SRGAP3: variants seen among roughly 807,000 people sequenced by gnomAD.
SRGAP3 encodes SLIT-ROBO Rho GTPase-activating protein 3.
SRGAP3 carries 39 observed loss-of-function variants against 121.1 expected under a neutral mutation model. That is an observed-to-expected ratio of 0.32 (90% CI 0.25 to 0.42). SRGAP3 has a LOEUF of 0.42. Ranked by LOEUF, SRGAP3 falls within the 10% of genes least tolerant of loss-of-function variation. SRGAP3 has a pLI of 1.00. For synonymous variants in SRGAP3, 601 were observed against 570.0 expected (o/e 1.05, Z -0.77); for missense variants, 1,213 against 1,470.6 (o/e 0.82, Z 2.86).
intron 5 of SRGAP3, among the ~76,000 whole-genome samples, 164 bp from the exon 6 acceptor site, chr3:9,060,523 T>C (rs1001267686): frequency 2.7e-5 from 4 of 148,516 alleles, no homozygotes; most frequent in African/African-American, 1.0e-4. Flanking sequence ...ACTCCTGGAC[T>C]CAAGCAATCC....
At chr3:9,148,498 G>C (rs1458347247) in intron 1 of SRGAP3, among the ~76,000 whole-genome samples, 2 of 152,220 alleles carry the variant, frequency 1.3e-5, no homozygotes, top group Non-Finnish European at 2.9e-5. Flanking sequence ...GGTGAAGCCA[G>C]ACTTGTCAAA....
At chr3:9,233,194 A>G (rs546556342) in intron 1 of SRGAP3, among the ~76,000 whole-genome samples, 1 of 152,346 alleles carries the variant, frequency 6.6e-6, no homozygotes, top group African/African-American at 2.4e-5. Context: ...AGGTGTTATT[A>G]TGTCCCTCTT....
chr3:9,198,083 C>T (rs1951964828), intron 1 of SRGAP3, among the ~76,000 whole-genome samples: 1 of 152,194 alleles, frequency 6.6e-6, no homozygotes, highest in Non-Finnish European at 1.5e-5. Context: ...TCATACAGGG[C>T]ACAGGCCTTT....
chr3:9,220,047 G>A (rs1031886938), intron 1 of SRGAP3, among the ~76,000 whole-genome samples: 1 of 152,084 alleles, frequency 6.6e-6, no homozygotes, highest in Non-Finnish European at 1.5e-5. Flanking sequence ...GGTGGGGCGG[G>A]GAGGAAGAGA....
At chr3:8,995,829 A>T (rs1942366589) in intron 18 of SRGAP3, among the ~76,000 whole-genome samples, 1 of 152,246 alleles carries the variant, frequency 6.6e-6, no homozygotes, top group African/African-American at 2.4e-5. Context: ...AAGTAAGCAC[A>T]AAGAGGTTTA....
chr3:9,349,132 T>C lies in SRGAP3; in HGVS notation n.214+13708A>G, dbSNP rs997740345. ...TGAAACCCATACAGTTCCTGGGGGATGAAGAGACCATGCGTAAAGCCATGG... is the reference window on the plus strand; with the variant it reads ...TGAAACCCATACAGTTCCTGGGGGACGAAGAGACCATGCGTAAAGCCATGG... On this transcript the variant is annotated intron_variant and non_coding_transcript_variant, in intron 1 of 3. Transcript: ENST00000490889. 1.6e-5 allele frequency: 13 copies of C among 798,826 alleles called. No homozygotes were observed. In the African/African-American group the frequency reaches 1.9e-4, roughly 11 times the overall value. The allele number at this position is 798,826 out of a possible 1,614,324, so 49.5% of individuals were successfully genotyped here. A position where few individuals can be genotyped will look rare whatever the true frequency, so the allele number is the denominator to read the frequency against.
chr3:9,268,334 C>T (rs1954407297), intron 3 of SRGAP3, among the ~76,000 whole-genome samples: 1 of 152,008 alleles, frequency 6.6e-6, no homozygotes, highest in Non-Finnish European at 1.5e-5. Flanking sequence ...TTCTCTCTCT[C>T]TCTTCCCCCC....
chr3:9,215,694 C>T (rs1166801644), intron 1 of SRGAP3, among the ~76,000 whole-genome samples: 2 of 152,240 alleles, frequency 1.3e-5, no homozygotes, highest in Non-Finnish European at 2.9e-5. Flanking sequence ...AGGAAAGGCA[C>T]ACTGCTTCTC....
At chr3:8,997,633 GCTT>G (rs1353953925) in intron 18 of SRGAP3, among the ~76,000 whole-genome samples, 2 of 152,072 alleles carry the variant, frequency 1.3e-5, no homozygotes, top group African/African-American at 4.8e-5. Context: ...GCCTCACTAA[GCTT>G]CTTGATGTTT....
intron 21 of SRGAP3, among the ~76,000 whole-genome samples, chr3:8,988,434 A>G (rs571266522): frequency 3.3e-5 from 5 of 152,274 alleles, no homozygotes; most frequent in Admixed American, 2.6e-4. Context: ...GGTTACTTAC[A>G]TATCATTTAC....
chr3:9,122,051 G>C (rs1949026116), intron 2 of SRGAP3, among the ~76,000 whole-genome samples: 1 of 152,214 alleles, frequency 6.6e-6, no homozygotes, highest in East Asian at 1.9e-4. Context: ...CGGGTTCACA[G>C]ACATGTTTGG....
At chr3:9,352,241 C>T (rs2030212611) in intron 1 of SRGAP3, among the ~76,000 whole-genome samples, 1 of 150,650 alleles carries the variant, frequency 6.6e-6, no homozygotes, top group African/African-American at 2.4e-5. Context: ...AAATAAAACT[C>T]TCCCCTTTTC....
chr3:8,983,477 A>G lies in SRGAP3; in HGVS notation c.*2042T>C. The stretch of plus-strand genomic sequence containing the variant: ...TACCCTCCTAACTTATCTAGGTGCC[A>G]GTGACTTAACTAGGTCCCTCCCTTT... On this transcript the variant is annotated 3_prime_UTR_variant, in exon 22 of 22. Coordinates refer to ENST00000383836, the MANE Select transcript of SRGAP3 (RefSeq NM_014850.4). The G allele has an allele frequency of 8.7e-6, 2 of 229,712 alleles. No individual in the cohort carries two copies. Among genetic ancestry groups the G allele is most frequent in the Non-Finnish European group, 8.6e-6 (1 of 115,894 alleles). The allele number at this position is 229,712 out of a possible 1,614,324, so 14.2% of individuals were successfully genotyped here. A position where few individuals can be genotyped will look rare whatever the true frequency, so the allele number is the denominator to read the frequency against.
At chr3:9,165,230 G>C (rs1223553633) in intron 1 of SRGAP3, among the ~76,000 whole-genome samples, 5 of 152,222 alleles carry the variant, frequency 3.3e-5, no homozygotes, top group Admixed American at 3.3e-4. Flanking sequence ...TGCTACCTGG[G>C]TCTGGGAAAG....
chr3:9,269,453 T>A (rs1322313200), intron 3 of SRGAP3, among the ~76,000 whole-genome samples: 1 of 152,222 alleles, frequency 6.6e-6, no homozygotes, highest in Non-Finnish European at 1.5e-5. Flanking sequence ...GGCACATCCA[T>A]GTCCACCCAC....
At chr3:9,236,585 C>A (rs557177040) in intron 1 of SRGAP3, among the ~76,000 whole-genome samples, 83 of 152,084 alleles carry the variant, frequency 5.5e-4, no homozygotes, top group African/African-American at 1.9e-3. Flanking sequence ...CACTTCCCCC[C>A]CCCTCTTCTT....
At chr3:9,319,443 C>G (rs1410368496) in intron 3 of SRGAP3, among the ~76,000 whole-genome samples, 1 of 151,832 alleles carries the variant, frequency 6.6e-6, no homozygotes, top group East Asian at 1.9e-4. Flanking sequence ...CCTCAACTGA[C>G]AACTGCACAG....
At chr3:9,132,474 T>C (rs1949491945) in intron 1 of SRGAP3, among the ~76,000 whole-genome samples, 2 of 152,224 alleles carry the variant, frequency 1.3e-5, no homozygotes, top group Admixed American at 1.3e-4. Flanking sequence ...CTCTATAGTT[T>C]TGCCTTTCCC....
At chr3:9,256,831 T>C (rs965050797) in intron 3 of SRGAP3, 4 of 398,522 alleles carry the variant, frequency 1.0e-5, no homozygotes, top group African/African-American at 8.2e-5. Flanking sequence ...AAGTCGGTGA[T>C]GGAGAGTTAA....
Sources: gnomAD v4.1 joint callset for allele counts (sites outside exome capture counted in the v4.1 genomes callset) on GRCh38, gnomAD v4.1.1 for gene constraint, MANE v1.5 for transcripts, NCBI Gene and HGNC (gene_info 2026-07-23, HGNC 2026-07-21) for gene names.